SCRG1: variants seen among roughly 807,000 people sequenced by gnomAD.
SCRG1 encodes stimulator of chondrogenesis 1.
A neutral mutation model predicts 7.7 loss-of-function variants in SCRG1; 3 were observed. That is an observed-to-expected ratio of 0.39 (90% CI 0.18 to 1.01). The LOEUF (loss-of-function observed/expected upper bound fraction) is 1.01. Among genes scored for constraint, SCRG1 ranks in the 50% least tolerant of loss-of-function variants. The pLI is 0.36. For missense variants in SCRG1, 110 were observed against 117.2 expected, an observed-to-expected ratio of 0.94 and a Z score of 0.28; for synonymous variants, 46 against 41.2, an observed-to-expected ratio of 1.12 and a Z score of -0.44.
At chr4:173,416,131 T>TGCCCACTCCC in the SCRG1 span, among the ~76,000 whole-genome samples, 20 of 152,230 alleles carry the variant, frequency 1.3e-4, 1 homozygote, top group Admixed American at 1.3e-3. Flanking sequence ...CAAAGTCATC[T>TGCCCACTCCC]GCCCACTTCC....
the SCRG1 span, among the ~76,000 whole-genome samples, chr4:173,424,269 G>A: frequency 1.3e-5 from 2 of 151,958 alleles, no homozygotes; most frequent in Non-Finnish European, 2.9e-5. Flanking sequence ...CATACTATTA[G>A]CATTTAGCTA....
rs184546269 is a variant in SCRG1 at position 173,405,776 on chromosome 4, T to C, written c.-748+484A>G. Among the ~76,000 whole-genome samples the C allele has an allele frequency of 2.0e-5, 3 of 152,358 alleles. No individual in the cohort carries two copies. In the East Asian group the frequency reaches 5.8e-4, roughly 29 times the overall value. ...AAGGTCGTGGTTTTTGGTTTTGTTT[T>C]GTTTTTGTGCACTTTCTTCCTTTCT... On this transcript the variant is annotated intron_variant and NMD_transcript_variant, in intron 1 of 8. Coordinates refer to the SCRG1 transcript ENST00000512188.
chr4:173,476,363 A>AAAAATATATATATATATATATATATAT, the SCRG1 span, among the ~76,000 whole-genome samples: 113 of 98,448 alleles, frequency 1.1e-3, no homozygotes, highest in East Asian at 2.9e-3. Context: ...GGAAAAAAAA[A>AAAAATATATATATATATATATATATAT]ATATATATAT....
chr4:173,512,852 C>G, the SCRG1 span, among the ~76,000 whole-genome samples: 1 of 152,216 alleles, frequency 6.6e-6, no homozygotes, highest in Non-Finnish European at 1.5e-5. Flanking sequence ...AAGGTGTCAT[C>G]CGCTCTTGTA....
chr4:173,448,206 A>G, the SCRG1 span, among the ~76,000 whole-genome samples: 55 of 152,312 alleles, frequency 3.6e-4, 1 homozygote, highest in African/African-American at 9.6e-4. Context: ...TTTTCATTTT[A>G]TTTTGCTCTG....
chr4:173,421,640 A>T, the SCRG1 span, among the ~76,000 whole-genome samples: 1 of 152,202 alleles, frequency 6.6e-6, no homozygotes, highest in African/African-American at 2.4e-5. Context: ...TCATTACATA[A>T]TTCCTACCTT....
the SCRG1 span, among the ~76,000 whole-genome samples, chr4:173,516,038 G>A: frequency 6.6e-6 from 1 of 152,186 alleles, no homozygotes; most frequent in East Asian, 1.9e-4. Flanking sequence ...GCCCCTCGGG[G>A]GCCAATGCTC....
At chr4:173,424,682 G>A in the SCRG1 span, among the ~76,000 whole-genome samples, 2 of 152,192 alleles carry the variant, frequency 1.3e-5, no homozygotes. Context: ...GCCAAGGTTG[G>A]TGGATCTCCT....
the SCRG1 span, among the ~76,000 whole-genome samples, chr4:173,460,954 G>A: frequency 6.6e-6 from 1 of 152,218 alleles, no homozygotes; most frequent in East Asian, 1.9e-4. Flanking sequence ...CGGGGGTGAT[G>A]GTGCCTACCA....
At chr4:173,417,317 C>G in the SCRG1 span, among the ~76,000 whole-genome samples, 1 of 152,146 alleles carries the variant, frequency 6.6e-6, no homozygotes. Context: ...ATCATTTAGA[C>G]AGATGCCTCA....
At chr4:173,412,978 C>T in the SCRG1 span, among the ~76,000 whole-genome samples, 9 of 152,188 alleles carry the variant, frequency 5.9e-5, no homozygotes, top group African/African-American at 2.2e-4. Flanking sequence ...CATCTACCGA[C>T]ATGTGCAATG....
At chr4:173,472,357 C>G in the SCRG1 span, among the ~76,000 whole-genome samples, 1 of 152,232 alleles carries the variant, frequency 6.6e-6, no homozygotes, top group South Asian at 2.1e-4. Context: ...ATTAGATTTT[C>G]TTTTGCCAAG....
At chr4:173,499,290 A>C in the SCRG1 span, among the ~76,000 whole-genome samples, 1 of 152,208 alleles carries the variant, frequency 6.6e-6, no homozygotes, top group Non-Finnish European at 1.5e-5. This position sits in a 1 kb window ranked among gnomAD's most constrained non-coding sequence, Gnocchi z 4.1. Context: ...CCCCAGCTCC[A>C]TCCTATCCGT....
chr4:173,434,067 TCGAC>T, the SCRG1 span, among the ~76,000 whole-genome samples: 1 of 152,204 alleles, frequency 6.6e-6, no homozygotes, highest in Non-Finnish European at 1.5e-5. Flanking sequence ...GTCCATTTTC[TCGAC>T]CGGACCTCGA....
the SCRG1 span, among the ~76,000 whole-genome samples, chr4:173,424,543 G>T: frequency 6.6e-6 from 1 of 152,188 alleles, no homozygotes; most frequent in African/African-American, 2.4e-5. Flanking sequence ...GCTCTAAAGA[G>T]CAACTGATGC....
At chr4:173,484,147 TAGA>T in the SCRG1 span, among the ~76,000 whole-genome samples, 61 of 89,000 alleles carry the variant, frequency 6.9e-4, no homozygotes, top group African/African-American at 2.3e-3. Context: ...ATATAGAATA[TAGA>T]ATATTTTCTA....
the SCRG1 span, among the ~76,000 whole-genome samples, chr4:173,429,223 A>T: frequency 2.0e-5 from 3 of 152,166 alleles, no homozygotes; most frequent in Non-Finnish European, 4.4e-5. Flanking sequence ...ATTTTTGCAA[A>T]ACTGATTTCA....
At chr4:173,396,680 G>C (rs751538014) in intron 1 of SCRG1, among the ~76,000 whole-genome samples, 3 of 150,950 alleles carry the variant, frequency 2.0e-5, no homozygotes, top group African/African-American at 7.3e-5. Flanking sequence ...ACAATGGAAA[G>C]TTCCACACCT....
chr4:173,480,886 G>C, the SCRG1 span, among the ~76,000 whole-genome samples: 1 of 151,926 alleles, frequency 6.6e-6, no homozygotes, highest in African/African-American at 2.4e-5. Context: ...TAAATGTATT[G>C]GGTTATGGGT....
Sources: gnomAD v4.1 joint callset for allele counts (sites outside exome capture counted in the v4.1 genomes callset) on GRCh38, gnomAD v4.1.1 for gene constraint, Gnocchi (gnomAD v3.1) non-coding constraint, MANE v1.5 for transcripts, NCBI Gene and HGNC (gene_info 2026-07-23, HGNC 2026-07-21) for gene names.